ABCC9: variants seen among roughly 807,000 people sequenced by gnomAD.
ABCC9 encodes ATP-binding cassette sub-family C member 9.
In ABCC9, 95 loss-of-function variants were observed where a neutral mutation model predicts 188.3. That is an observed-to-expected ratio of 0.50 (90% CI 0.43 to 0.60). ABCC9 has a LOEUF of 0.60. ABCC9 is among the 20% of genes least tolerant of loss of function. The pLI is 0.00. For synonymous variants in ABCC9, 659 were observed against 652.7 expected, an observed-to-expected ratio of 1.01 and a Z score of -0.15; for missense variants, 1,102 against 1,876.3, an observed-to-expected ratio of 0.59 and a Z score of 7.62.
At chr12:21,835,446 C>T (rs941624846) in intron 30 of ABCC9, among the ~76,000 whole-genome samples, 5 of 152,144 alleles carry the variant, frequency 3.3e-5, no homozygotes, top group African/African-American at 1.2e-4. Context: ...ATGGACTCTA[C>T]ATTCTCACAT....
chr12:21,920,855 C>A (rs1237755082), intron 5 of ABCC9, among the ~76,000 whole-genome samples: 1 of 151,964 alleles, frequency 6.6e-6, no homozygotes, highest in Admixed American at 6.6e-5. Context: ...TTCACTTAAA[C>A]AATGACCTCA....
intron 16 of ABCC9, among the ~76,000 whole-genome samples, chr12:21,877,334 C>G (rs1946411743): frequency 6.6e-6 from 1 of 152,024 alleles, no homozygotes; most frequent in Admixed American, 6.6e-5. Context: ...GAAAAAGAGG[C>G]CTTTTAACTA....
chr12:21,906,607 T>A (rs1948061681), intron 11 of ABCC9, among the ~76,000 whole-genome samples: 1 of 152,104 alleles, frequency 6.6e-6, no homozygotes, highest in African/African-American at 2.4e-5. Context: ...AATATAGACA[T>A]AAATTTACAT....
chr12:21,841,917 C>A (rs1944413952), intron 29 of ABCC9, among the ~76,000 whole-genome samples: 1 of 152,114 alleles, frequency 6.6e-6, no homozygotes, highest in African/African-American at 2.4e-5. Flanking sequence ...TCTTGAAAAA[C>A]ACTACAGCAA....
At chr12:21,841,347 CTTTTTT>C (rs1174314931) in intron 29 of ABCC9, among the ~76,000 whole-genome samples, 3 of 19,602 alleles carry the variant, frequency 1.5e-4, no homozygotes, top group African/African-American at 5.2e-4. Context: ...TTCTGGTTTC[CTTTTTT>C]TTTTTTTTTT....
chr12:21,818,742 T>C (rs1942845019), intron 31 of ABCC9, among the ~76,000 whole-genome samples: 1 of 151,304 alleles, frequency 6.6e-6, no homozygotes, highest in Non-Finnish European at 1.5e-5. Context: ...TCATGTGTGC[T>C]TATGTCAGGA....
At position 21,915,759 on chromosome 12, in the gene ABCC9, G is replaced by C; in HGVS notation, c.725C>G (p.Pro242Arg). The change falls in exon 7 of 40, where the codon CCT (proline) becomes CGT (arginine). Residue 242 changes from proline (P) to arginine (R), a missense_variant. By Grantham distance (103) the Pro-to-Arg change is moderately radical. Around this residue, in one of 12 missense-constraint regions of ABCC9, gnomAD observed 305 missense variants for 573.0 expected, o/e 0.53. Transcript: ENST00000261200. ...NTLIISAHKKPIDLKAIGKLP... is the reference protein window; with the variant it reads ...NTLIISAHKKRIDLKAIGKLP... ...TTTTCCAATTGCCTTCAGATCAATAGGCTTTTTGTGAGCAGATATAATAAG... is the reference window on the plus strand; with the variant it reads ...TTTTCCAATTGCCTTCAGATCAATACGCTTTTTGTGAGCAGATATAATAAG... 6.2e-7 allele frequency: 1 copy of C among 1,612,978 alleles called. No homozygotes were observed. Among genetic ancestry groups the C allele is most frequent in the Non-Finnish European group, 8.5e-7 (1 of 1,179,690 alleles).
chr12:21,933,537 T>A (rs1949367912), intron 4 of ABCC9, among the ~76,000 whole-genome samples: 1 of 152,076 alleles, frequency 6.6e-6, no homozygotes, highest in African/African-American at 2.4e-5. Context: ...GAGAAATAAT[T>A]AATATATTAA....
intron 24 of ABCC9, among the ~76,000 whole-genome samples, chr12:21,849,370 T>C: frequency 6.6e-6 from 1 of 152,152 alleles, no homozygotes; most frequent in East Asian, 1.9e-4. Flanking sequence ...CAAAAATGTC[T>C]CCTGAATCCC....
At chr12:21,886,710 C>A (rs1450290944) in intron 15 of ABCC9, among the ~76,000 whole-genome samples, 2 of 152,006 alleles carry the variant, frequency 1.3e-5, no homozygotes, top group Non-Finnish European at 2.9e-5. Context: ...TTACGAGGGC[C>A]CTCAATCATT....
chr12:21,915,514 A>ATATATTTTTTTTT lies in ABCC9; in HGVS notation c.816+153_816+154insAAAAAAAAATATA. Among the ~76,000 whole-genome samples, 15 of 3,522 alleles carry ATATATTTTTTTTT rather than the reference A, an allele frequency of 4.3e-3. 1 individual carries two copies. The highest frequency in any genetic ancestry group is 4.2e-3 in the Non-Finnish European group (9 of 2,144). 2.3% of individuals were successfully genotyped at this position (3,522 alleles called of 152,430 possible). ...TGTGTGTGTGTGTATATATATATAT[A>ATATATTTTTTTTT]TTTTTTTTTTTTTTTTGAGACAGAG... is the stretch of plus-strand genomic sequence containing the variant. On this transcript the variant is annotated intron_variant, in intron 7 of 39. Transcript: ENST00000261200.
intron 18 of ABCC9, chr12:21,869,438 C>T (rs1315679437): frequency 2.0e-5 from 3 of 152,114 alleles, no homozygotes; most frequent in Non-Finnish European, 2.9e-5. Flanking sequence ...ACCACAAGTC[C>T]GAATCATTTT....
At chr12:21,821,148 G>T (rs1943013972) in intron 31 of ABCC9, among the ~76,000 whole-genome samples, 1 of 152,070 alleles carries the variant, frequency 6.6e-6, no homozygotes, top group South Asian at 2.1e-4. Context: ...TTTAGGATTT[G>T]TATGAATCAT....
At chr12:21,914,278 G>A (rs1948443632) in intron 7 of ABCC9, among the ~76,000 whole-genome samples, 1 of 152,048 alleles carries the variant, frequency 6.6e-6, no homozygotes, top group African/African-American at 2.4e-5. Flanking sequence ...TGTAGATGAT[G>A]GCAATAGAAA....
At chr12:21,901,723 G>A (rs989999628) in intron 12 of ABCC9, among the ~76,000 whole-genome samples, 6 of 152,156 alleles carry the variant, frequency 3.9e-5, no homozygotes, top group African/African-American at 1.4e-4. Context: ...TTATACAATG[G>A]TAAAGGGATC....
intron 4 of ABCC9, among the ~76,000 whole-genome samples, chr12:21,932,307 A>G (rs1257356684): frequency 6.6e-6 from 1 of 152,032 alleles, no homozygotes; most frequent in Non-Finnish European, 1.5e-5. Context: ...TTTTAAAACT[A>G]TAAAACCCTG....
chr12:21,862,324 T>C (rs1945559240), intron 20 of ABCC9, among the ~76,000 whole-genome samples: 1 of 152,168 alleles, frequency 6.6e-6, no homozygotes. Flanking sequence ...TGAATCTTTC[T>C]GTCTGGTTTG....
intron 2 of ABCC9, among the ~76,000 whole-genome samples, 159 bp from the exon 3 acceptor site, chr12:21,936,853 T>C (rs1360454705): frequency 1.3e-5 from 2 of 152,192 alleles, no homozygotes; most frequent in East Asian, 3.8e-4. Context: ...AACTTGAAGC[T>C]TTCTTATAAA....
At chr12:21,855,725 T>C (rs143786067) in intron 22 of ABCC9, among the ~76,000 whole-genome samples, 2 of 152,200 alleles carry the variant, frequency 1.3e-5, no homozygotes, top group African/African-American at 4.8e-5. Context: ...AACAAAATAA[T>C]GTAGTCAAAG....
Sources: gnomAD v4.1 joint callset for allele counts (sites outside exome capture counted in the v4.1 genomes callset) on GRCh38, gnomAD v4.1.1 for gene constraint, gnomAD v4.1.1 regional missense constraint, MANE v1.5 for transcripts, NCBI Gene and HGNC (gene_info 2026-07-23, HGNC 2026-07-21) for gene names.